TENM2: variants seen among roughly 807,000 people sequenced by gnomAD.
The protein encoded by TENM2 is teneurin-2.
Under a neutral mutation model 245.2 loss-of-function variants are expected in TENM2, and 52 were observed. The observed-to-expected ratio is 0.21, with a 90% confidence interval of 0.17 to 0.27. TENM2 has a LOEUF of 0.27. Among genes scored for constraint, TENM2 ranks in the 10% least tolerant of loss-of-function variants. The pLI is 1.00. For missense variants in TENM2, 3,046 were observed against 3,666.8 expected (o/e 0.83, Z 4.37); for synonymous variants, 1,363 against 1,438.9 (o/e 0.95, Z 1.19).
At chr5:167,251,104 T>C in the TENM2 span, among the ~76,000 whole-genome samples, 3 of 152,102 alleles carry the variant, frequency 2.0e-5, no homozygotes, top group Non-Finnish European at 4.4e-5. Flanking sequence ...TGCTAATGAT[T>C]AGACTCTTTA....
the TENM2 span, among the ~76,000 whole-genome samples, chr5:167,139,019 C>G: frequency 3.3e-5 from 5 of 152,106 alleles, no homozygotes; most frequent in African/African-American, 9.7e-5. Context: ...ATTTATATAC[C>G]CATGTAAGGG....
chr5:167,046,894 C>T, the TENM2 span, among the ~76,000 whole-genome samples: 34 of 151,742 alleles, frequency 2.2e-4, 1 homozygote, highest in Non-Finnish European at 3.8e-4. Flanking sequence ...TGTGATGTTC[C>T]CCTCCCTGTG....
chr5:167,332,952 A>G (rs1757546153), intron 1 of TENM2, among the ~76,000 whole-genome samples: 1 of 152,200 alleles, frequency 6.6e-6, no homozygotes, highest in African/African-American at 2.4e-5. Context: ...TCAGAGTTAC[A>G]TGAAAATACA....
intron 1 of TENM2, among the ~76,000 whole-genome samples, chr5:167,355,476 G>A (rs1247135691): frequency 6.6e-6 from 1 of 152,192 alleles, no homozygotes; most frequent in Non-Finnish European, 1.5e-5. Context: ...ATAATCTGCT[G>A]CTGATCCCTA....
intron 3 of TENM2, among the ~76,000 whole-genome samples, chr5:167,887,466 C>T (rs1276219184): frequency 6.6e-6 from 1 of 152,196 alleles, no homozygotes; most frequent in Non-Finnish European, 1.5e-5. Context: ...GTCACTGTAA[C>T]ATTTTTAGAT....
chr5:167,247,307 A>G, the TENM2 span, among the ~76,000 whole-genome samples: 1 of 152,168 alleles, frequency 6.6e-6, no homozygotes, highest in Non-Finnish European at 1.5e-5. Context: ...CTTTGCTACC[A>G]TCCCAAACAG....
At chr5:167,851,042 G>A (rs1003496924) in intron 2 of TENM2, among the ~76,000 whole-genome samples, 1 of 152,130 alleles carries the variant, frequency 6.6e-6, no homozygotes, top group African/African-American at 2.4e-5. Flanking sequence ...TTTCTCCAAG[G>A]AACCCAGCAG....
At chr5:168,248,474 C>A in intron 27 of TENM2, 103 bp downstream of exon 29, 1 of 1,221,432 alleles carries the variant, frequency 8.2e-7, no homozygotes, top group Middle Eastern at 2.8e-4. Context: ...AGGAGAAGCC[C>A]ATGGGCCATA....
chr5:167,985,216 T>C (rs1327036265), intron 4 of TENM2, among the ~76,000 whole-genome samples: 1 of 152,134 alleles, frequency 6.6e-6, no homozygotes, highest in Non-Finnish European at 1.5e-5. Context: ...ATTCCTGGGG[T>C]GTTTCTGCCT....
chr5:167,859,560 G>C (rs1771500913), intron 2 of TENM2, among the ~76,000 whole-genome samples: 10 of 113,916 alleles, frequency 8.8e-5, no homozygotes, highest in South Asian at 6.8e-4. Flanking sequence ...GGGAGGTGGG[G>C]GGGTCAGCCC....
chr5:167,797,539 G>A (rs1333699084), intron 2 of TENM2, among the ~76,000 whole-genome samples: 1 of 152,196 alleles, frequency 6.6e-6, no homozygotes, highest in African/African-American at 2.4e-5. Context: ...TGGCAGTGGG[G>A]CTAATAGCAG....
chr5:167,667,249 G>A (rs1455225593), intron 2 of TENM2, among the ~76,000 whole-genome samples: 1 of 152,070 alleles, frequency 6.6e-6, no homozygotes, highest in Non-Finnish European at 1.5e-5. Flanking sequence ...TGCCTTTGAG[G>A]ACTAAAGAAT....
At chr5:167,018,550 A>AT in the TENM2 span, among the ~76,000 whole-genome samples, 1 of 152,132 alleles carries the variant, frequency 6.6e-6, no homozygotes, top group South Asian at 2.1e-4. Context: ...AAAAATAAAG[A>AT]TTTTATTTTT....
chr5:167,389,867 A>C (rs1761654852), intron 2 of TENM2, among the ~76,000 whole-genome samples: 1 of 152,176 alleles, frequency 6.6e-6, no homozygotes, highest in Non-Finnish European at 1.5e-5. Context: ...GCTTCCCTTC[A>C]CTTTAATCTG....
chr5:167,343,585 T>C (rs1758257607), intron 1 of TENM2, among the ~76,000 whole-genome samples: 1 of 152,234 alleles, frequency 6.6e-6, no homozygotes. Flanking sequence ...AGCCATACTT[T>C]GTTTTAGTTC....
intron 5 of TENM2, among the ~76,000 whole-genome samples, chr5:168,004,517 GCACACACACA>G (rs550787443): frequency 0.033 from 4,390 of 132,226 alleles, 105 homozygotes; most frequent in Non-Finnish European, 0.044. Context: ...GCGCGCGCGC[GCACACACACA>G]CACACACACA....
chr5:168,067,868 C>T (rs1448309843), intron 7 of TENM2, among the ~76,000 whole-genome samples: 1 of 152,142 alleles, frequency 6.6e-6, no homozygotes, highest in Non-Finnish European at 1.5e-5. Flanking sequence ...CACATCAAAT[C>T]GCGCTTTGCA....
chr5:168,228,011 C>A, exon 25 of TENM2: 4 of 1,613,836 alleles, frequency 2.5e-6, no homozygotes, highest in Non-Finnish European at 3.4e-6. Context: ...CACCATCACC[C>A]CCACCATTGG....
chr5:167,539,098 G>A (rs1159867432), intron 2 of TENM2, among the ~76,000 whole-genome samples: 2 of 151,976 alleles, frequency 1.3e-5, no homozygotes, highest in Non-Finnish European at 2.9e-5. Flanking sequence ...GATATAATTT[G>A]TGATATGACC....
Sources: allele counts gnomAD v4.1 joint callset (sites outside exome capture counted in the v4.1 genomes callset), GRCh38; gene constraint gnomAD v4.1.1; transcripts MANE v1.5; gene names NCBI Gene and HGNC (gene_info 2026-07-23, HGNC 2026-07-21).